PLXNA4: variants seen among roughly 807,000 people sequenced by gnomAD.
PLXNA4 encodes the protein plexin-A4.
PLXNA4 carries 44 observed loss-of-function variants against 191.8 expected under a neutral mutation model. The ratio of observed to expected loss-of-function variants is 0.23; its 90% CI spans 0.18 to 0.29. PLXNA4 has a LOEUF of 0.29. PLXNA4 is among the 10% of genes least tolerant of loss of function. The pLI is 1.00. For missense variants in PLXNA4, 1,800 were observed against 2,488.8 expected (o/e 0.72, Z 5.89); for synonymous variants, 1,082 against 1,009.5 (o/e 1.07, Z -1.36).
At chr7:132,544,728 G>C (rs892150450) in intron 1 of PLXNA4, among the ~76,000 whole-genome samples, 1 of 152,216 alleles carries the variant, frequency 6.6e-6, no homozygotes, top group South Asian at 2.1e-4. Context: ...TCTTGGCCTA[G>C]ATGTCTGTCA....
chr7:132,253,863 G>T (rs1799340187), intron 4 of PLXNA4, among the ~76,000 whole-genome samples: 1 of 152,174 alleles, frequency 6.6e-6, no homozygotes, highest in African/African-American at 2.4e-5. Flanking sequence ...GGGCACCTCT[G>T]CCTACAGCCC....
intron 4 of PLXNA4, among the ~76,000 whole-genome samples, chr7:132,267,465 T>A (rs1799900471): frequency 6.6e-6 from 1 of 152,132 alleles, no homozygotes; most frequent in African/African-American, 2.4e-5. Flanking sequence ...ACTTAGTATA[T>A]CTTCCAGCTA....
intron 1 of PLXNA4, among the ~76,000 whole-genome samples, chr7:132,561,504 CCTCCTCCTCCTCCTT>C (rs1474083320): frequency 1.8e-4 from 23 of 128,984 alleles, no homozygotes; most frequent in Non-Finnish European, 3.4e-4. Flanking sequence ...TCCTCCCCCA[CCTCCTCCTCCTCCTT>C]CTCCTCCTCC....
At chr7:132,633,145 G>A (rs1803526017) in intron 2 of PLXNA4, among the ~76,000 whole-genome samples, 1 of 152,096 alleles carries the variant, frequency 6.6e-6, no homozygotes, top group South Asian at 2.1e-4. Flanking sequence ...GAAGAGATGG[G>A]GAGAGAAAAA....
intron 3 of PLXNA4, among the ~76,000 whole-genome samples, chr7:132,322,184 C>CTTTTTTTTTTTTTTTT (rs5887566): frequency 3.3e-5 from 4 of 122,518 alleles, no homozygotes; most frequent in Non-Finnish European, 6.9e-5. Flanking sequence ...CCTAAAAGGG[C>CTTTTTTTTTTTTTTTT]TTTTTTTTTT....
chr7:132,295,235 T>C (rs1801033788), intron 4 of PLXNA4, among the ~76,000 whole-genome samples: 1 of 152,140 alleles, frequency 6.6e-6, no homozygotes, highest in Admixed American at 6.6e-5. Flanking sequence ...TGGCAAGGCA[T>C]CGGATGCTCT....
chr7:132,574,787 A>C (rs984846165), intron 1 of PLXNA4, among the ~76,000 whole-genome samples: 7 of 152,200 alleles, frequency 4.6e-5, no homozygotes, highest in Non-Finnish European at 1.0e-4. Context: ...AAGTTTGGAA[A>C]TAGCGGAGTC....
intron 3 of PLXNA4, among the ~76,000 whole-genome samples, chr7:132,348,855 T>C (rs1456523752): frequency 2.0e-5 from 3 of 152,328 alleles, no homozygotes; most frequent in South Asian, 2.1e-4. Context: ...ATTCTTATTA[T>C]GCTTCCTGTT....
intron 2 of PLXNA4, among the ~76,000 whole-genome samples, chr7:132,491,807 C>G (rs1031935604): frequency 2.0e-5 from 3 of 152,122 alleles, no homozygotes; most frequent in African/African-American, 7.2e-5. Context: ...AAGATTTAGT[C>G]TGATCTTTAC....
At chr7:132,520,906 GCAGGGCTTCTGTTGT>G (rs1224119771) in intron 1 of PLXNA4, among the ~76,000 whole-genome samples, 1 of 152,066 alleles carries the variant, frequency 6.6e-6, no homozygotes, top group Non-Finnish European at 1.5e-5. Context: ...CAGCCAAATG[GCAGGGCTTCTGTTGT>G]CACCAACATC....
intron 5 of PLXNA4, among the ~76,000 whole-genome samples, chr7:132,229,529 T>C (rs929819296): frequency 6.6e-6 from 1 of 151,724 alleles, no homozygotes; most frequent in African/African-American, 2.4e-5. Flanking sequence ...TGTTGTGGGG[T>C]GGGGGCAAGC....
At chr7:132,444,060 G>A (rs1204773344) in intron 3 of PLXNA4, among the ~76,000 whole-genome samples, 2 of 152,234 alleles carry the variant, frequency 1.3e-5, no homozygotes, top group African/African-American at 4.8e-5. Flanking sequence ...AAAACCTGCA[G>A]ACCAACTTAA....
Position 132,158,882 on chromosome 7 carries a change from C to T in PLXNA4, c.4660+591G>A, listed in dbSNP as rs182550936. Among the ~76,000 whole-genome samples the T allele has an allele frequency of 6.6e-5, 10 of 152,288 alleles. No homozygotes were observed. The East Asian group carries it at 1.9e-3, about 29-fold the overall frequency. ...GTACAGGTGGCCCTAACCAGCATGC[C>T]CTTGTTTATAGAGGCTGGGAGATAT... On this transcript the variant is annotated intron_variant, in intron 25 of 31. Coordinates refer to ENST00000321063, the MANE Select transcript of PLXNA4 (RefSeq NM_020911.2).
intron 5 of PLXNA4, among the ~76,000 whole-genome samples, chr7:132,238,817 G>C (rs543560200): frequency 5.7e-4 from 87 of 152,276 alleles, no homozygotes; most frequent in Middle Eastern, 3.4e-3. Flanking sequence ...TCACAAGAGG[G>C]GGGGGGGCAC....
At chr7:132,533,573 T>G (rs1799710562) in intron 1 of PLXNA4, among the ~76,000 whole-genome samples, 1 of 152,232 alleles carries the variant, frequency 6.6e-6, no homozygotes, top group Non-Finnish European at 1.5e-5. Context: ...AAGAAAACCA[T>G]TTTTCTCTAT....
intron 9 of PLXNA4, among the ~76,000 whole-genome samples, chr7:132,214,006 A>C (rs991697918): frequency 5.9e-5 from 9 of 152,216 alleles, no homozygotes; most frequent in African/African-American, 2.2e-4. Flanking sequence ...CAAGGAGAGC[A>C]GAAAGAAGGG....
intron 3 of PLXNA4, among the ~76,000 whole-genome samples, chr7:132,348,203 TGCCCA>T (rs1435380879): frequency 6.6e-6 from 1 of 152,210 alleles, no homozygotes; most frequent in East Asian, 1.9e-4. Flanking sequence ...TGAATAACCT[TGCCCA>T]AATCCCTTAA....
At chr7:132,159,361 A>G (rs1413755993) in intron 25 of PLXNA4, 112 bp downstream of exon 25, 3 of 1,506,416 alleles carry the variant, frequency 2.0e-6, no homozygotes, top group East Asian at 2.3e-5. Flanking sequence ...CCCTCCAGCC[A>G]GTGATTATTC....
chr7:132,582,961 C>T (rs148867793), intron 2 of PLXNA4, among the ~76,000 whole-genome samples: 161 of 152,224 alleles, frequency 1.1e-3, no homozygotes, highest in African/African-American at 3.6e-3. Flanking sequence ...TTCAGAGCTC[C>T]GGGGTTAAAC....
Sources: allele counts gnomAD v4.1 joint callset (sites outside exome capture counted in the v4.1 genomes callset), GRCh38; gene constraint gnomAD v4.1.1; transcripts MANE v1.5; gene names NCBI Gene and HGNC (gene_info 2026-07-23, HGNC 2026-07-21).